Variants in RIC8B observed in about 807,000 individuals in gnomAD.
RIC8B encodes RIC8 guanine nucleotide exchange factor B.
In RIC8B, 16 loss-of-function variants were observed where a neutral mutation model predicts 57.5. That is an observed-to-expected ratio of 0.28 (90% confidence interval 0.19 to 0.42). The LOEUF (loss-of-function observed/expected upper bound fraction) is 0.42. Ranked by LOEUF, RIC8B falls within the 10% of genes least tolerant of loss-of-function variation. The pLI, the probability that RIC8B is intolerant of heterozygous loss-of-function variation, is 1.00. For missense variants in RIC8B, 481 were observed against 677.0 expected (o/e 0.71, Z 3.21); for synonymous variants, 216 against 250.8 (o/e 0.86, Z 1.31).
chr12:106,830,760 CT>C (rs761181563), intron 4 of RIC8B, among the ~76,000 whole-genome samples: 1 of 152,196 alleles, frequency 6.6e-6, no homozygotes, highest in East Asian at 1.9e-4. Flanking sequence ...CTCCCTCCCC[CT>C]CATGCACATA....
chr12:106,778,982 C>G (rs141382642), intron 1 of RIC8B, among the ~76,000 whole-genome samples: 198 of 152,234 alleles, frequency 1.3e-3, no homozygotes, highest in African/African-American at 4.6e-3. Flanking sequence ...GGCGCGATCT[C>G]GGCTTATCAT....
In RIC8B at chr12:106,879,445, G is replaced by A. The variant is rs965892169; in HGVS notation, c.1572-6459G>A. On this transcript the variant is annotated intron_variant, in intron 9 of 9. Transcript: ENST00000392837. This position sits in a 1 kb window ranked among gnomAD's most constrained non-coding sequence, Gnocchi z 4.9. ...CCTAAAAAGCAGAACCTTCTCTAAG[G>A]TGCTGAGAAGTCATATAAGCCCAGG... 1 of 985,028 alleles carries A rather than the reference G, an allele frequency of 1.0e-6. No homozygotes were observed. The highest frequency in any genetic ancestry group is 1.2e-6 in the Non-Finnish European group (1 of 829,908). The allele number at this position is 985,028 out of a possible 1,614,324, so 61.0% of individuals were successfully genotyped here.
chr12:106,775,332 T>C (rs1415841874), intron 1 of RIC8B: 1 of 456,092 alleles, frequency 2.2e-6, no homozygotes. Context: ...AGAGTGTTTA[T>C]AGGGTAGATG....
At chr12:106,775,974 TCCA>T (rs2043457876) in intron 1 of RIC8B, among the ~76,000 whole-genome samples, 1 of 152,222 alleles carries the variant, frequency 6.6e-6, no homozygotes, top group Admixed American at 6.5e-5. Flanking sequence ...TTGAATCTTT[TCCA>T]CCCGGGGCAG....
intron 2 of RIC8B, among the ~76,000 whole-genome samples, chr12:106,802,299 G>A (rs2044767001): frequency 6.6e-6 from 1 of 152,150 alleles, no homozygotes; most frequent in African/African-American, 2.4e-5. Flanking sequence ...CTGGCACTGG[G>A]CCACATCTCC....
Position 106,888,298 on chromosome 12 carries a change from G to A in RIC8B, c.*2283G>A, listed in dbSNP as rs1373481767. On this transcript the variant is annotated 3_prime_UTR_variant, in exon 10 of 10. Coordinates refer to ENST00000392837, the MANE Select transcript of RIC8B (RefSeq NM_001330145.2). ...TGTTTTTGAAAAGAGAGTTTGCGGG[G>A]AAGAAGATGAGAGTGTCTTCATCTG... 1 of 152,226 alleles carries A rather than the reference G, an allele frequency of 6.6e-6. No individual in the cohort carries two copies. Among genetic ancestry groups the A allele is most frequent in the African/African-American group, 2.4e-5 (1 of 41,458 alleles). 9.4% of individuals were successfully genotyped at this position (152,226 alleles called of 1,614,324 possible).
intron 7 of RIC8B, among the ~76,000 whole-genome samples, chr12:106,856,432 A>G (rs1369854457): frequency 6.6e-6 from 1 of 152,178 alleles, no homozygotes; most frequent in African/African-American, 2.4e-5. Context: ...TAAATTCTTT[A>G]TTCTTGCCTG....
intron 3 of RIC8B, among the ~76,000 whole-genome samples, chr12:106,821,944 G>T (rs560075422): frequency 2.5e-4 from 38 of 151,544 alleles, no homozygotes; most frequent in Non-Finnish European, 4.1e-4. Context: ...CGGCTGTGGT[G>T]GCGGGTGCCT....
chr12:106,851,216 A>G (rs777446433), intron 6 of RIC8B, among the ~76,000 whole-genome samples: 1 of 151,956 alleles, frequency 6.6e-6, no homozygotes, highest in Non-Finnish European at 1.5e-5. Context: ...TAGTGTGATG[A>G]TACAGTGAAG....
chr12:106,885,191 G>A (rs939508106), intron 9 of RIC8B, among the ~76,000 whole-genome samples: 1 of 152,204 alleles, frequency 6.6e-6, no homozygotes, highest in South Asian at 2.1e-4. Context: ...GCTGTAACTT[G>A]TGGAGTAGAT....
At chr12:106,797,212 A>G (rs981813850) in intron 2 of RIC8B, among the ~76,000 whole-genome samples, 1 of 152,240 alleles carries the variant, frequency 6.6e-6, no homozygotes, top group Admixed American at 6.5e-5. Flanking sequence ...GTACACAAAT[A>G]TTCATGGCAT....
At chr12:106,874,690 C>T (rs1950588607) in intron 9 of RIC8B, 2 of 671,088 alleles carry the variant, frequency 3.0e-6, no homozygotes, top group African/African-American at 1.8e-5. Context: ...CCATGCTGGA[C>T]ATAGCCGCTG....
chr12:106,832,023 A>G (rs1024307300), intron 4 of RIC8B, among the ~76,000 whole-genome samples: 1 of 151,990 alleles, frequency 6.6e-6, no homozygotes, highest in Non-Finnish European at 1.5e-5. Flanking sequence ...GGGCCTTTAC[A>G]CTTGCTCTGT....
rs143002172 is a variant in RIC8B at position 106,787,031 on chromosome 12, A to G, written c.132+2987A>G. Among the ~76,000 whole-genome samples the G allele has an allele frequency of 2.8e-3, 420 of 152,314 alleles. 1 individual carries two copies. Among genetic ancestry groups the G allele is most frequent in the African/African-American group, 9.3e-3 (385 of 41,572 alleles). On this transcript the variant is annotated intron_variant, in intron 2 of 9. Coordinates refer to ENST00000392837, the MANE Select transcript of RIC8B (RefSeq NM_001330145.2). ...ATATAAATTTCAGGTGAAAGGGAGA[A>G]ATTTCTTTCACAGTTATTAATAAAA...
At chr12:106,870,759 C>T in intron 8 of RIC8B, 64 bp from the exon 9 acceptor site, 1 of 1,304,808 alleles carries the variant, frequency 7.7e-7, no homozygotes, top group Admixed American at 3.0e-5. Context: ...AAAAGTTGGA[C>T]CAGAAAAGTA....
intron 2 of RIC8B, among the ~76,000 whole-genome samples, chr12:106,810,535 T>C (rs955225334): frequency 1.2e-4 from 19 of 152,130 alleles, no homozygotes. Flanking sequence ...AGAAGAATGT[T>C]GAGGGCTGAA....
chr12:106,850,539 C>A (rs1949423213), intron 6 of RIC8B, among the ~76,000 whole-genome samples: 1 of 152,098 alleles, frequency 6.6e-6, no homozygotes, highest in South Asian at 2.1e-4. Flanking sequence ...GTTTCATAAG[C>A]CCTCTGGGGA....
intron 2 of RIC8B, among the ~76,000 whole-genome samples, chr12:106,808,951 A>G (rs187208715): frequency 1.1e-4 from 16 of 152,328 alleles, no homozygotes; most frequent in African/African-American, 3.6e-4. Context: ...AGCTAAAGCC[A>G]AAGATGATCC....
chr12:106,839,640 T>G (rs1200138471), intron 4 of RIC8B, among the ~76,000 whole-genome samples: 1 of 152,240 alleles, frequency 6.6e-6, no homozygotes, highest in African/African-American at 2.4e-5. Flanking sequence ...TTAGCAATAC[T>G]GTATTGTATA....
Sources: allele counts gnomAD v4.1 joint callset (sites outside exome capture counted in the v4.1 genomes callset), GRCh38; gene constraint gnomAD v4.1.1; non-coding constraint Gnocchi (gnomAD v3.1); transcripts MANE v1.5; gene names NCBI Gene and HGNC (gene_info 2026-07-23, HGNC 2026-07-21).